The following ASMTL variants were observed in gnomAD, a reference collection of about 807,000 sequenced individuals.
ASMTL encodes acetylserotonin O-methyltransferase like.
In ASMTL, 57 loss-of-function variants were observed where a neutral mutation model predicts 60.3. The observed-to-expected ratio is 0.95, with a 90% CI of 0.76 to 1.18. The LOEUF (loss-of-function observed/expected upper bound fraction) is 1.18, where lower values mean the gene tolerates loss of function less well. Ranked by LOEUF, ASMTL falls within the 50% of genes most tolerant of loss-of-function variation. The probability of loss-of-function intolerance (pLI) is 0.00; values close to 1 mark genes in which losing one functional copy is unlikely to be tolerated. For synonymous variants in ASMTL, 419 were observed against 373.0 expected, an observed-to-expected ratio of 1.12 and a Z score of -1.42; for missense variants, 981 against 852.6, an observed-to-expected ratio of 1.15 and a Z score of -1.88.
chrX:1,431,327 AATT>A (rs1569533736), intron 6 of ASMTL, among the ~76,000 whole-genome samples: 1 of 131,622 alleles, frequency 7.6e-6, no homozygotes, highest in African/African-American at 2.8e-5. Context: ...TTTTATATAT[AATT>A]ATAAATAATT....
rs368464963 is a variant in ASMTL, at chrX:1,452,820, A to G, written c.21T>C (p.Ile7=). 8.1e-4 allele frequency: 1,292 copies of G among 1,594,094 alleles called. 2 individuals are homozygous for G. The highest frequency in any genetic ancestry group is 1.0e-3 in the Non-Finnish European group (1,186 of 1,176,858). ...CCACGCGCTTGTGCAGCAGCTTCCCAATCACCGGGCACAGCACCATGGCGT... is the reference window on the plus strand; with the variant it reads ...CCACGCGCTTGTGCAGCAGCTTCCCGATCACCGGGCACAGCACCATGGCGT... The part of the protein sequence containing the change: MVLCPV[I]GKLLHKRVVL... The change falls in exon 1 of 13, where the codon ATT becomes ATC. Residue 7 remains isoleucine (I), a synonymous_variant. Transcript: ENST00000381317.
At chrX:1,419,845 G>A (rs1603450902) in intron 9 of ASMTL, among the ~76,000 whole-genome samples, 2 of 152,324 alleles carry the variant, frequency 1.3e-5, no homozygotes, top group East Asian at 1.9e-4. Context: ...CGATGCCCAC[G>A]CTGGCTGCTC....
intron 1 of ASMTL, 77 bp from the exon 2 acceptor site, chrX:1,442,394 G>C (rs2091128487): frequency 1.9e-6 from 3 of 1,550,852 alleles, no homozygotes; most frequent in Admixed American, 3.4e-5. Flanking sequence ...AAGATTTGCA[G>C]GACGCACATA....
At chrX:1,412,034 C>T (rs1487159390) in intron 12 of ASMTL, among the ~76,000 whole-genome samples, 1 of 151,752 alleles carries the variant, frequency 6.6e-6, no homozygotes, top group Non-Finnish European at 1.5e-5. Flanking sequence ...CCAGGCTGGT[C>T]TCAAACCCCC....
At chrX:1,416,579 A>G (rs1168002012) in intron 11 of ASMTL, among the ~76,000 whole-genome samples, 2 of 148,644 alleles carry the variant, frequency 1.3e-5, no homozygotes, top group Non-Finnish European at 3.0e-5. Context: ...ACAGACGCAG[A>G]CACACAGACA....
intron 10 of ASMTL, among the ~76,000 whole-genome samples, chrX:1,418,658 C>G (rs751421745): frequency 2.0e-5 from 3 of 152,102 alleles, no homozygotes; most frequent in Admixed American, 6.5e-5. Flanking sequence ...GCTCCACCCA[C>G]TGTCCAGGGC....
At chrX:1,419,219 G>A (rs1209071707) in intron 9 of ASMTL, 105 bp from the exon 10 acceptor site, 2 of 1,338,146 alleles carry the variant, frequency 1.5e-6, no homozygotes, top group South Asian at 1.3e-5. Context: ...CAGAGCGTGG[G>A]GGCTCAGCCG....
intron 1 of ASMTL, among the ~76,000 whole-genome samples, chrX:1,452,144 A>AGG (rs2091409651): frequency 9.7e-6 from 1 of 103,586 alleles, no homozygotes. Flanking sequence ...CCCCATCCCT[A>AGG]GGGGTCCCGG....
intron 2 of ASMTL, among the ~76,000 whole-genome samples, chrX:1,440,661 C>T (rs1404847427): frequency 1.3e-5 from 2 of 151,998 alleles, no homozygotes; most frequent in Non-Finnish European, 2.9e-5. Context: ...CGGTGGGGTG[C>T]GGTGGCTCAC....
chrX:1,438,314 C>T (rs1293433332), intron 3 of ASMTL, among the ~76,000 whole-genome samples: 4 of 151,888 alleles, frequency 2.6e-5, no homozygotes, highest in African/African-American at 4.8e-5. Flanking sequence ...AATTTGGCCA[C>T]AGACACCCAG....
At chrX:1,404,795 G>A (rs1338358925) in intron 12 of ASMTL, among the ~76,000 whole-genome samples, 2 of 151,966 alleles carry the variant, frequency 1.3e-5, no homozygotes, top group Non-Finnish European at 2.9e-5. Context: ...ATATATGGAT[G>A]TATGGATGAG....
At chrX:1,442,974 T>C (rs73621896) in intron 1 of ASMTL, among the ~76,000 whole-genome samples, 5 of 151,922 alleles carry the variant, frequency 3.3e-5, no homozygotes, top group African/African-American at 1.2e-4. Flanking sequence ...ATCTCCCCTC[T>C]GACAGAGCAA....
rs1822096119 is a variant in ASMTL, at chrX:1,443,155, C to A, written c.94-838G>T. On this transcript the variant is annotated intron_variant, in intron 1 of 12. Transcript: ENST00000381317. ...CGTGGACACACGCCGCCATCTTGGA[C>A]ACACACCGCCATCGTGGACACACAC... Among the ~76,000 whole-genome samples, 2 of 151,780 alleles carry A rather than the reference C, an allele frequency of 1.3e-5. 1 individual carries two copies. Among genetic ancestry groups the A allele is most frequent in the Non-Finnish European group, 2.9e-5 (2 of 67,938 alleles).
intron 10 of ASMTL, among the ~76,000 whole-genome samples, chrX:1,418,398 C>G (rs1202158648): frequency 7.3e-5 from 11 of 151,690 alleles, no homozygotes; most frequent in Non-Finnish European, 1.0e-4. Flanking sequence ...ATGGCCGGTG[C>G]TACAGCAGCC....
chrX:1,422,417 T>C (rs73619066), intron 8 of ASMTL, among the ~76,000 whole-genome samples: 100,685 of 150,914 alleles, frequency 0.67, 34,542 homozygotes, highest in South Asian at 0.87. Flanking sequence ...CTTGCCAGCC[T>C]ACACAATCAC....
chrX:1,406,738 G>T lies in ASMTL; in HGVS notation c.1646-3249C>A, dbSNP rs184956570. 2.6e-5 allele frequency among the ~76,000 whole-genome samples: 4 copies of T among 151,680 alleles called. No individual in the cohort carries two copies. In the East Asian group the frequency reaches 7.8e-4, roughly 30 times the overall value. On this transcript the variant is annotated intron_variant, in intron 12 of 12. Transcript: ENST00000381317. ...GAGATGGATGGATTAGTGAATAGATGGTAGATGATGGGTAGGTAGGTAGAT... is the reference window on the plus strand; with the variant it reads ...GAGATGGATGGATTAGTGAATAGATTGTAGATGATGGGTAGGTAGGTAGAT...
intron 8 of ASMTL, among the ~76,000 whole-genome samples, chrX:1,422,526 A>G (rs1305367453): frequency 6.6e-6 from 1 of 152,042 alleles, no homozygotes; most frequent in Non-Finnish European, 1.5e-5. Flanking sequence ...CACCCACTTC[A>G]TGCCCAGGTC....
rs1319955939 is a variant in ASMTL, at chrX:1,412,642, C to T, written c.1645+90G>A. 44 of 1,567,254 alleles carry T rather than the reference C, an allele frequency of 2.8e-5. No homozygotes were observed. In the Admixed American group the frequency reaches 3.9e-4, roughly 14 times the overall value. On this transcript the variant is annotated intron_variant, in intron 12 of 12. Transcript: ENST00000381317. ...CCTCCCAAAGCGCTGGGATGACAGG[C>T]GTGAGCCACCGCGCCCGGCCTCCTT...
chrX:1,453,426 C>T (rs1454499242), upstream of ASMTL, among the ~76,000 whole-genome samples: 3 of 151,860 alleles, frequency 2.0e-5, no homozygotes, highest in Non-Finnish European at 4.4e-5. Flanking sequence ...TCCCCGCCCC[C>T]GGCGCTCGCC....
Sources: gnomAD v4.1 joint callset for allele counts (sites outside exome capture counted in the v4.1 genomes callset) on GRCh38, gnomAD v4.1.1 for gene constraint, MANE v1.5 for transcripts, NCBI Gene and HGNC (gene_info 2026-07-23, HGNC 2026-07-21) for gene names.